The following TENM1 variants were observed in gnomAD, a reference collection of about 807,000 sequenced individuals.
The protein encoded by TENM1 is teneurin transmembrane protein 1.
In TENM1, 35 loss-of-function variants were observed where a neutral mutation model predicts 174.8. The ratio of observed to expected loss-of-function variants is 0.20; its 90% CI spans 0.15 to 0.27. TENM1 has a LOEUF of 0.27. Ranked by LOEUF, TENM1 falls within the 10% of genes least tolerant of loss-of-function variation. The probability of loss-of-function intolerance (pLI) is 1.00; values close to 1 mark genes in which losing one functional copy is unlikely to be tolerated. For synonymous variants in TENM1, 781 were observed against 798.7 expected (o/e 0.98, Z 0.37); for missense variants, 1,633 against 2,130.1 (o/e 0.77, Z 4.59).
chrX:124,762,664 A>G (rs2054448821), intron 3 of TENM1, among the ~76,000 whole-genome samples: 1 of 111,828 alleles, frequency 8.9e-6, no homozygotes, highest in African/African-American at 3.2e-5. Flanking sequence ...CCATTTATAT[A>G]TCATTCCAAT....
chrX:124,867,404 T>C (rs1025390982), intron 3 of TENM1, among the ~76,000 whole-genome samples: 3 of 111,990 alleles, frequency 2.7e-5, no homozygotes, highest in African/African-American at 9.7e-5. Context: ...ATCATTTCAA[T>C]TGATGCTGAA....
intron 3 of TENM1, among the ~76,000 whole-genome samples, chrX:124,848,064 G>A (rs2056644753): frequency 9.0e-6 from 1 of 110,614 alleles, no homozygotes; most frequent in African/African-American, 3.3e-5. Context: ...AGGACTCTTA[G>A]AGCTGTTGAG....
intron 15 of TENM1, among the ~76,000 whole-genome samples, chrX:124,539,547 T>C (rs779216187): frequency 1.5e-4 from 17 of 112,110 alleles, no homozygotes; most frequent in African/African-American, 5.2e-4. Context: ...AAGAGTGAAA[T>C]GATTAATCTT....
chrX:124,461,981 C>T (rs921620188), intron 22 of TENM1, among the ~76,000 whole-genome samples: 1 of 111,190 alleles, frequency 9.0e-6, no homozygotes, highest in Non-Finnish European at 1.9e-5. Context: ...TCACACATAG[C>T]TCCCAAATAT....
chrX:124,512,605 C>T (rs980178159), intron 18 of TENM1, among the ~76,000 whole-genome samples: 3 of 111,567 alleles, frequency 2.7e-5, no homozygotes, highest in Non-Finnish European at 5.7e-5. Flanking sequence ...GGAAGGAGTT[C>T]ATACAACCCC....
chrX:124,664,072 C>T (rs1279975654), intron 6 of TENM1, among the ~76,000 whole-genome samples: 1 of 111,617 alleles, frequency 9.0e-6, no homozygotes, highest in African/African-American at 3.3e-5. Context: ...TACTGTAATT[C>T]GCCATCAATC....
chrX:125,061,573 A>G, the TENM1 span, among the ~76,000 whole-genome samples: 1 of 112,031 alleles, frequency 8.9e-6, no homozygotes, highest in East Asian at 2.8e-4. Context: ...GATGGCAACA[A>G]GATACAGTGA....
intron 3 of TENM1, among the ~76,000 whole-genome samples, chrX:124,811,896 C>T (rs752795356): frequency 5.4e-5 from 6 of 110,857 alleles, no homozygotes; most frequent in Admixed American, 1.9e-4. Context: ...TTATGTTAAA[C>T]GAAATGTGTG....
intron 25 of TENM1, among the ~76,000 whole-genome samples, chrX:124,418,944 C>G (rs1170542509): frequency 1.8e-5 from 2 of 111,829 alleles, no homozygotes; most frequent in South Asian, 3.8e-4. Context: ...GACAAGTTAA[C>G]TATTTTGTCC....
At chrX:124,846,659 A>C (rs181242317) in intron 3 of TENM1, among the ~76,000 whole-genome samples, 59 of 111,635 alleles carry the variant, frequency 5.3e-4, no homozygotes, top group African/African-American at 1.8e-3. Context: ...AATTAATTCA[A>C]AGATGAAGCT....
At chrX:125,203,075 T>C in the TENM1 span, among the ~76,000 whole-genome samples, 1 of 112,305 alleles carries the variant, frequency 8.9e-6, no homozygotes, top group Admixed American at 9.3e-5. Context: ...TTGTAATGAC[T>C]ATCTCTTTTG....
upstream of TENM1, among the ~76,000 whole-genome samples, chrX:124,968,481 C>CGA (rs770582626): frequency 2.7e-5 from 3 of 110,982 alleles, no homozygotes; most frequent in Non-Finnish European, 5.7e-5. Context: ...TTATTTGTAA[C>CGA]GAGAGAGAGA....
intron 1 of TENM1, among the ~76,000 whole-genome samples, chrX:124,960,934 T>A (rs1240996649): frequency 8.9e-6 from 1 of 111,791 alleles, no homozygotes; most frequent in Non-Finnish European, 1.9e-5. Flanking sequence ...CTGAAAAAAA[T>A]GGGAAATATT....
chrX:125,158,134 G>A, the TENM1 span, among the ~76,000 whole-genome samples: 1 of 110,714 alleles, frequency 9.0e-6, no homozygotes, highest in Non-Finnish European at 1.9e-5. Flanking sequence ...GCCAGGTGTA[G>A]TGCTGCATGC....
the TENM1 span, among the ~76,000 whole-genome samples, chrX:125,020,463 C>G: frequency 9.2e-6 from 1 of 109,088 alleles, no homozygotes; most frequent in African/African-American, 3.3e-5. Flanking sequence ...TTAATGGGCT[C>G]AAACTTTCCC....
At chrX:124,503,724 G>T in intron 18 of TENM1, 21 bp from the exon 22 acceptor site, 1 of 1,166,782 alleles carries the variant, frequency 8.6e-7, no homozygotes, top group Non-Finnish European at 1.1e-6. Flanking sequence ...AGAGTTAACA[G>T]CACATTAGAA....
At chrX:124,598,285 G>A (rs997837309) in intron 11 of TENM1, among the ~76,000 whole-genome samples, 1 of 111,399 alleles carries the variant, frequency 9.0e-6, no homozygotes, top group Non-Finnish European at 1.9e-5. Context: ...TTGGTGGGAA[G>A]GTAAATTAGT....
Position 124,384,327 on chromosome X carries a change from G to A in TENM1, c.6604C>T (p.Arg2202Ter). The change falls in exon 30 of 32, where the codon CGA (arginine) becomes TGA (stop). Residue 2202 changes from arginine to a stop codon, truncating the protein, a stop_gained. Transcript: ENST00000422452. LOFTEE classifies it high-confidence loss of function. ...GTGATGCGGTCTCGGAGGTCATATC[G>A]GAGAGGAGTAAGACGAGCACTCTTC... is the stretch of plus-strand genomic sequence containing the variant. The A allele has an allele frequency of 8.3e-7, 1 of 1,209,775 alleles. No homozygotes were observed. Among genetic ancestry groups the A allele is most frequent in the Non-Finnish European group, 1.1e-6 (1 of 894,355 alleles).
the TENM1 span, among the ~76,000 whole-genome samples, chrX:125,116,074 C>T: frequency 9.0e-6 from 1 of 111,222 alleles, no homozygotes; most frequent in African/African-American, 3.3e-5. Flanking sequence ...AGAACATAGG[C>T]CTCAGAAATA....
Sources: allele counts gnomAD v4.1 joint callset (sites outside exome capture counted in the v4.1 genomes callset), GRCh38; gene constraint gnomAD v4.1.1; transcripts MANE v1.5; gene names NCBI Gene and HGNC (gene_info 2026-07-23, HGNC 2026-07-21).